Variants in USH2A observed in about 807,000 individuals in gnomAD.
USH2A encodes usherin.
Under a neutral mutation model 538.9 loss-of-function variants are expected in USH2A, and 443 were observed. The observed-to-expected ratio is 0.82, with a 90% CI of 0.76 to 0.89. The LOEUF (loss-of-function observed/expected upper bound fraction) is 0.89. Ranked by LOEUF, USH2A falls within the 40% of genes least tolerant of loss-of-function variation. The probability of loss-of-function intolerance (pLI) is 0.00; values close to 1 mark genes in which losing one functional copy is unlikely to be tolerated. For missense variants in USH2A, 6,633 were observed against 6,324.8 expected (o/e 1.05, Z -1.65); for synonymous variants, 2,413 against 2,273.5 (o/e 1.06, Z -1.75).
chr1:216,174,189 G>T (rs1015551403), intron 21 of USH2A: 1 of 984,728 alleles, frequency 1.0e-6, no homozygotes. Flanking sequence ...TTTATAGCTC[G>T]AATTCCATTT....
intron 13 of USH2A, among the ~76,000 whole-genome samples, chr1:216,234,175 C>T (rs920213083): frequency 2.0e-5 from 3 of 152,122 alleles, no homozygotes; most frequent in Non-Finnish European, 2.9e-5. Context: ...ATTCCAGGCT[C>T]TTGTTGAAAA....
chr1:215,890,492 T>C (rs2102461876), intron 40 of USH2A, among the ~76,000 whole-genome samples: 1 of 152,314 alleles, frequency 6.6e-6, no homozygotes, highest in South Asian at 2.1e-4. Flanking sequence ...CAAAAGATGT[T>C]ATAGTGCACT....
chr1:216,138,068 T>G (rs183091368), intron 21 of USH2A, among the ~76,000 whole-genome samples: 2 of 152,126 alleles, frequency 1.3e-5, no homozygotes, highest in African/African-American at 4.8e-5. Context: ...AAACAATTTC[T>G]TATGAGATAT....
chr1:215,783,322 A>C (rs1335366182), intron 52 of USH2A, among the ~76,000 whole-genome samples: 1 of 152,200 alleles, frequency 6.6e-6, no homozygotes, highest in African/African-American at 2.4e-5. Context: ...TAGAACTTAT[A>C]AATTATTGCT....
At chr1:215,631,052 A>AATGTATGGTCTT (rs1656267963) in intron 70 of USH2A, among the ~76,000 whole-genome samples, 1 of 152,212 alleles carries the variant, frequency 6.6e-6, no homozygotes, top group Non-Finnish European at 1.5e-5. Flanking sequence ...GAAATACAAA[A>AATGTATGGTCTT]GACACTCTCA....
chr1:216,200,444 T>C (rs1039363623), intron 16 of USH2A, among the ~76,000 whole-genome samples: 6 of 152,330 alleles, frequency 3.9e-5, no homozygotes, highest in East Asian at 3.9e-4. Context: ...AAAGTAACTA[T>C]GTTTCCTCTA....
chr1:216,009,584 C>T (rs923346041), intron 32 of USH2A, among the ~76,000 whole-genome samples: 1 of 152,060 alleles, frequency 6.6e-6, no homozygotes, highest in Non-Finnish European at 1.5e-5. Flanking sequence ...CTTTCCCTCC[C>T]ACCTGTCCCC....
intron 35 of USH2A, among the ~76,000 whole-genome samples, chr1:215,988,188 C>T (rs909445314): frequency 3.3e-5 from 5 of 151,544 alleles, no homozygotes; most frequent in Admixed American, 6.6e-5. Flanking sequence ...CTCTCCATTT[C>T]CCCCTTCCAC....
intron 44 of USH2A, among the ~76,000 whole-genome samples, chr1:215,864,201 A>C (rs1664407396): frequency 6.6e-6 from 1 of 152,152 alleles, no homozygotes; most frequent in Non-Finnish European, 1.5e-5. Context: ...GTTAAGTCTA[A>C]ACGCATGAGA....
intron 32 of USH2A, among the ~76,000 whole-genome samples, chr1:216,008,320 G>C (rs1668454499): frequency 6.6e-6 from 1 of 151,778 alleles, no homozygotes; most frequent in South Asian, 2.1e-4. Flanking sequence ...GGCTCATCCT[G>C]GCTCAAAAGC....
intron 13 of USH2A, among the ~76,000 whole-genome samples, chr1:216,234,972 C>A (rs2035777723): frequency 6.6e-6 from 1 of 152,038 alleles, no homozygotes; most frequent in Non-Finnish European, 1.5e-5. Flanking sequence ...GGTTAATTCC[C>A]CTCCTCCTCT....
chr1:216,009,671 C>A (rs1425017593), intron 32 of USH2A, among the ~76,000 whole-genome samples: 1 of 152,110 alleles, frequency 6.6e-6, no homozygotes, highest in South Asian at 2.1e-4. Context: ...CTGACCTCTC[C>A]CCTCCTCCCC....
At chr1:215,702,440 C>A (rs940167484) in intron 61 of USH2A, among the ~76,000 whole-genome samples, 3 of 152,060 alleles carry the variant, frequency 2.0e-5, no homozygotes, top group Non-Finnish European at 4.4e-5. Flanking sequence ...ATTCTCCTTG[C>A]CATTTTCAGG....
chr1:215,742,794 T>C (rs1660342426), intron 59 of USH2A, among the ~76,000 whole-genome samples: 1 of 152,196 alleles, frequency 6.6e-6, no homozygotes, highest in African/African-American at 2.4e-5. Flanking sequence ...AAATAACTTC[T>C]CACTTCCTCC....
chr1:215,994,022 C>G (rs1413448311), intron 34 of USH2A, among the ~76,000 whole-genome samples: 1 of 152,070 alleles, frequency 6.6e-6, no homozygotes, highest in African/African-American at 2.4e-5. Context: ...TATTTGCTAG[C>G]AAATATTAGT....
rs375176415 is a variant in USH2A at position 215,719,362 on chromosome 1, C to CAAAA, written c.12066+8664_12066+8667dup. ...TAAGACCGTAATAAACCTCAGGAGACAAAAAAAAAAAAAAAAAAAAAGCAT... is the reference window on the plus strand; with the variant it reads ...TAAGACCGTAATAAACCTCAGGAGACAAAAAAAAAAAAAAAAAAAAAAAAAGCAT... On this transcript the variant is annotated intron_variant, in intron 61 of 71. Coordinates refer to ENST00000307340, the MANE Select transcript of USH2A (RefSeq NM_206933.4). 4.7e-4 allele frequency among the ~76,000 whole-genome samples: 35 copies of CAAAA among 74,542 alleles called. 1 individual carries two copies. Among genetic ancestry groups the CAAAA allele is most frequent in the Middle Eastern group, 9.1e-3 (1 of 110 alleles). 48.9% of individuals were successfully genotyped at this position (74,542 alleles called of 152,430 possible).
Position 215,703,504 on chromosome 1 carries a change from C to T in USH2A, c.12067-23128G>A, listed in dbSNP as rs1390005806. On this transcript the variant is annotated intron_variant, in intron 61 of 71. Transcript: ENST00000307340. ...GGCTGCTGCCTTTCTTTCAGAGATG[C>T]CCTGCCTAGAGAGGAGAAATCTAGA... 2.6e-5 allele frequency among the ~76,000 whole-genome samples: 4 copies of T among 152,308 alleles called. No homozygotes were observed. In the East Asian group the frequency reaches 7.7e-4, roughly 29 times the overall value.
At chr1:216,101,206 T>C (rs1175819066) in intron 21 of USH2A, among the ~76,000 whole-genome samples, 2 of 152,208 alleles carry the variant, frequency 1.3e-5, no homozygotes, top group Non-Finnish European at 2.9e-5. Flanking sequence ...AGCCAAATGC[T>C]GAAATCATGT....
rs138104341 is a variant in USH2A at position 216,252,905 on chromosome 1, T to C, written c.1972-1807A>G. Among the ~76,000 whole-genome samples the C allele has an allele frequency of 2.3e-3, 347 of 152,274 alleles. 1 individual carries two copies. The highest frequency in any genetic ancestry group is 7.8e-3 in the African/African-American group (324 of 41,554). On this transcript the variant is annotated intron_variant, in intron 11 of 71. Coordinates refer to ENST00000307340, the MANE Select transcript of USH2A (RefSeq NM_206933.4). ...CAATAGGCGTGTGGGTACATACTTG[T>C]AACACTTCAAGTACATCAACCCATA...
Sources: gnomAD v4.1 joint callset for allele counts (sites outside exome capture counted in the v4.1 genomes callset) on GRCh38, gnomAD v4.1.1 for gene constraint, MANE v1.5 for transcripts, NCBI Gene and HGNC (gene_info 2026-07-23, HGNC 2026-07-21) for gene names.